RIN3: variants seen among roughly 807,000 people sequenced by gnomAD.
RIN3 encodes RAB5 interacting protein 3.
A neutral mutation model predicts 76.3 loss-of-function variants in RIN3; 54 were observed. The observed-to-expected ratio is 0.71, with a 90% CI of 0.57 to 0.89. RIN3 has a LOEUF of 0.89. RIN3 is among the 40% of genes least tolerant of loss of function. The probability of loss-of-function intolerance (pLI) is 0.00; values close to 1 mark genes in which losing one functional copy is unlikely to be tolerated. For missense variants in RIN3, 1,256 were observed against 1,322.1 expected, an observed-to-expected ratio of 0.95 and a Z score of 0.78; for synonymous variants, 576 against 564.0, an observed-to-expected ratio of 1.02 and a Z score of -0.30.
chr14:92,569,522 G>A (rs1208526792), intron 2 of RIN3, among the ~76,000 whole-genome samples: 2 of 151,834 alleles, frequency 1.3e-5, no homozygotes, highest in African/African-American at 2.4e-5. Flanking sequence ...TGAGGGCCCA[G>A]AAAGAAATAC....
At chr14:92,544,275 C>T (rs909247189) in intron 1 of RIN3, among the ~76,000 whole-genome samples, 34 of 152,114 alleles carry the variant, frequency 2.2e-4, no homozygotes, top group African/African-American at 7.5e-4. Flanking sequence ...CCCCAAATGC[C>T]TGCAGGCCAC....
At position 92,676,567 on chromosome 14, in the gene RIN3, A is replaced by G. The variant is rs1020014716; in HGVS notation, c.2428A>G (p.Met810Val). The change falls in exon 8 of 10, where the codon ATG becomes GTG. Residue 810 changes from methionine (M) to valine (V), a missense_variant. Transcript: ENST00000216487. ...GGAGATGCTTCTCAATGTGGAGTACATGATGGAGCTCATGGACCCCGCCCT... is the reference window on the plus strand; with the variant it reads ...GGAGATGCTTCTCAATGTGGAGTACGTGATGGAGCTCATGGACCCCGCCCT... ...LTEMLLNVEY[M>V]MELMDPALQL... The G allele has an allele frequency of 1.9e-6, 3 of 1,613,916 alleles. No individual in the cohort carries two copies. Among genetic ancestry groups the G allele is most frequent in the East Asian group, 2.2e-5 (1 of 44,898 alleles).
At chr14:92,634,058 C>A (rs1886684484) in intron 4 of RIN3, among the ~76,000 whole-genome samples, 1 of 132,196 alleles carries the variant, frequency 7.6e-6, no homozygotes, top group Non-Finnish European at 1.6e-5. Flanking sequence ...AATATTTATT[C>A]TAAAAATCCC....
chr14:92,677,609 A>G (rs2140170948), intron 8 of RIN3, among the ~76,000 whole-genome samples: 1 of 152,046 alleles, frequency 6.6e-6, no homozygotes, highest in South Asian at 2.1e-4. Context: ...GGACCTCTGT[A>G]TCTACCTTTT....
chr14:92,602,317 C>T (rs1410794612), intron 3 of RIN3, among the ~76,000 whole-genome samples: 1 of 152,214 alleles, frequency 6.6e-6, no homozygotes, highest in African/African-American at 2.4e-5. Flanking sequence ...TGGGGACTGC[C>T]CGATGACAGG....
intron 2 of RIN3, chr14:92,576,503 A>G: frequency 1.1e-6 from 1 of 944,308 alleles, no homozygotes; most frequent in Non-Finnish European, 1.5e-6. Context: ...ATCTGCATGC[A>G]GAGGCCTCAT....
chr14:92,607,281 T>C (rs1256771911), intron 3 of RIN3, among the ~76,000 whole-genome samples: 1 of 152,228 alleles, frequency 6.6e-6, no homozygotes, highest in Non-Finnish European at 1.5e-5. Flanking sequence ...GGGAAGAAAC[T>C]GAATCACCCC....
rs1001742944 is a variant in RIN3, at chr14:92,568,074, G to A, written c.250-9286G>A. On this transcript the variant is annotated intron_variant, in intron 2 of 9. Coordinates refer to ENST00000216487, the MANE Select transcript of RIN3 (RefSeq NM_024832.5). The surrounding 1 kb of genome is among the most constrained non-coding windows in gnomAD (Gnocchi z 4.2). Reference sequence around the variant, plus strand: ...CAAGAAGTAAAAGTAACTTGCCCACGGCTGGTGAGGGGCAGAGGTAGTATT... The same window carrying A: ...CAAGAAGTAAAAGTAACTTGCCCACAGCTGGTGAGGGGCAGAGGTAGTATT... Among the ~76,000 whole-genome samples the A allele has an allele frequency of 5.9e-5, 9 of 152,204 alleles. No homozygotes were observed. In the South Asian group the frequency reaches 6.2e-4, roughly 11 times the overall value.
intron 1 of RIN3, among the ~76,000 whole-genome samples, chr14:92,545,948 C>T (rs1408996873): frequency 2.2e-5 from 3 of 138,794 alleles, no homozygotes. Context: ...TTTTTTGAGA[C>T]GTAGTCTTGC....
chr14:92,551,073 T>C (rs1897410436), intron 1 of RIN3, among the ~76,000 whole-genome samples: 1 of 152,234 alleles, frequency 6.6e-6, no homozygotes, highest in Non-Finnish European at 1.5e-5. Context: ...AATGTTATCA[T>C]GACTAGAGTT....
chr14:92,642,180 C>T (rs1485469355), intron 5 of RIN3, among the ~76,000 whole-genome samples: 1 of 151,968 alleles, frequency 6.6e-6, no homozygotes, highest in African/African-American at 2.4e-5. Context: ...ATGGCTTACC[C>T]CAGCCCCAAC....
rs530856688 is a variant in RIN3, at chr14:92,616,682, G to A, written c.440+1203G>A. On this transcript the variant is annotated intron_variant, in intron 4 of 9. Transcript: ENST00000216487. ...CACCCTGCTCTGTATAGTGGAGGCA[G>A]GATAGCTTCTTGATGGGCAGGGTTG... 4.6e-5 allele frequency among the ~76,000 whole-genome samples: 7 copies of A among 152,270 alleles called. No homozygotes were observed. The South Asian group carries it at 1.5e-3, about 32-fold the overall frequency.
intron 2 of RIN3, among the ~76,000 whole-genome samples, chr14:92,567,356 G>A (rs1359461649): frequency 6.6e-6 from 1 of 152,160 alleles, no homozygotes; most frequent in Non-Finnish European, 1.5e-5. Context: ...TCAGCAATTT[G>A]GGCTGGGTTC....
At chr14:92,588,038 G>A (rs1001203473) in intron 3 of RIN3, among the ~76,000 whole-genome samples, 10 of 152,088 alleles carry the variant, frequency 6.6e-5, no homozygotes, top group African/African-American at 1.2e-4. Flanking sequence ...AGGCAGAAGG[G>A]CAAGAGAGCT....
chr14:92,606,547 A>AAAAT (rs146771092), intron 3 of RIN3, among the ~76,000 whole-genome samples: 6 of 152,112 alleles, frequency 3.9e-5, no homozygotes, highest in South Asian at 2.1e-4. Flanking sequence ...CCTGTCTCAA[A>AAAAT]AAATAAATAA....
chr14:92,685,035 G>A lies in RIN3; in HGVS notation c.2516G>A (p.Ser839Asn). Residue 839 changes from serine to asparagine, a missense_variant, in exon 9 of 10, where the codon AGC becomes AAC. Physicochemically the swap from Ser to Asn is conservative, Grantham distance 46. Transcript: ENST00000216487. The surrounding 1 kb of genome is among the most constrained non-coding windows in gnomAD (Gnocchi z 4.7). ...TTYGALEHIKSYDKITVTRQL... is the reference protein window; with the variant it reads ...TTYGALEHIKNYDKITVTRQL... ...TACGGGGCCCTGGAGCACATCAAGA[G>A]CTACGACAAGATCACGGTGACCCGG... The A allele has an allele frequency of 6.2e-7, 1 of 1,614,094 alleles. No homozygotes were observed.
intron 4 of RIN3, among the ~76,000 whole-genome samples, chr14:92,629,098 G>T (rs532742882): frequency 6.6e-6 from 1 of 150,900 alleles, no homozygotes; most frequent in Non-Finnish European, 1.5e-5. Context: ...CCCACCAAGG[G>T]TCCTGAGTCG....
intron 8 of RIN3, among the ~76,000 whole-genome samples, chr14:92,684,385 C>CAAAA (rs35113092): frequency 0.016 from 1,802 of 115,752 alleles, 78 homozygotes; most frequent in African/African-American, 0.051. Context: ...CAGACTTAGA[C>CAAAA]AAAAAAAAAA....
intron 5 of RIN3, 68 bp downstream of exon 5, chr14:92,641,397 A>G: frequency 8.3e-7 from 1 of 1,211,038 alleles, no homozygotes; most frequent in Non-Finnish European, 1.2e-6. Flanking sequence ...GGACTGCCCC[A>G]GGGGCCGCCT....
Sources: allele counts gnomAD v4.1 joint callset (sites outside exome capture counted in the v4.1 genomes callset), GRCh38; gene constraint gnomAD v4.1.1; non-coding constraint Gnocchi (gnomAD v3.1); transcripts MANE v1.5; gene names NCBI Gene and HGNC (gene_info 2026-07-23, HGNC 2026-07-21).